The following GPC5 variants were observed in gnomAD, a reference collection of about 807,000 sequenced individuals.
GPC5 encodes the protein glypican-5.
Under a neutral mutation model 53.9 loss-of-function variants are expected in GPC5, and 47 were observed. The ratio of observed to expected loss-of-function variants is 0.87; its 90% CI spans 0.69 to 1.11. GPC5 has a LOEUF of 1.11. Ranked by LOEUF, GPC5 falls within the 50% of genes most tolerant of loss-of-function variation. GPC5 has a pLI of 0.00. For missense variants in GPC5, 748 were observed against 713.1 expected, an observed-to-expected ratio of 1.05 and a Z score of -0.56; for synonymous variants, 286 against 263.3, an observed-to-expected ratio of 1.09 and a Z score of -0.84.
intron 7 of GPC5, among the ~76,000 whole-genome samples, chr13:92,356,251 G>A (rs148226423): frequency 6.6e-6 from 1 of 152,134 alleles, no homozygotes; most frequent in Non-Finnish European, 1.5e-5. Context: ...CAGGGTGGCG[G>A]GAGAGGAATG....
chr13:92,405,738 C>G (rs953901911), intron 7 of GPC5, among the ~76,000 whole-genome samples: 24 of 152,088 alleles, frequency 1.6e-4, no homozygotes, highest in African/African-American at 5.3e-4. Context: ...TCTCTAGACT[C>G]TCATCTCTTT....
At chr13:91,894,384 A>G (rs2039419594) in intron 5 of GPC5, among the ~76,000 whole-genome samples, 1 of 152,222 alleles carries the variant, frequency 6.6e-6, no homozygotes, top group Admixed American at 6.6e-5. Flanking sequence ...AAGGTTCTAC[A>G]TGTTAAGTGT....
intron 6 of GPC5, among the ~76,000 whole-genome samples, chr13:92,028,623 T>C (rs1438756126): frequency 1.3e-5 from 2 of 152,328 alleles, no homozygotes; most frequent in Non-Finnish European, 2.9e-5. Context: ...GTTTACTTCA[T>C]ATTTTATGTT....
At chr13:91,651,757 A>G (rs548913859) in intron 2 of GPC5, among the ~76,000 whole-genome samples, 11 of 152,126 alleles carry the variant, frequency 7.2e-5, no homozygotes, top group South Asian at 4.1e-4. Context: ...TAAATGTTCT[A>G]TATTAATTAA....
rs533956972 is a variant in GPC5, at chr13:92,377,143, A to T, written c.1561+232154A>T. ...CATGAAGTCTTTCTAAAGGCCTCCAAAGGGAATGAATCACTCAATGCTACC... is the reference window on the plus strand; with the variant it reads ...CATGAAGTCTTTCTAAAGGCCTCCATAGGGAATGAATCACTCAATGCTACC... On this transcript the variant is annotated intron_variant, in intron 7 of 7. Coordinates refer to ENST00000377067, the MANE Select transcript of GPC5 (RefSeq NM_004466.6). 5.3e-5 allele frequency among the ~76,000 whole-genome samples: 8 copies of T among 152,318 alleles called. No individual in the cohort carries two copies. In the South Asian group the frequency reaches 1.7e-3, roughly 32 times the overall value.
intron 7 of GPC5, among the ~76,000 whole-genome samples, chr13:92,565,839 T>A (rs1237730667): frequency 1.3e-5 from 2 of 152,024 alleles, no homozygotes; most frequent in South Asian, 2.1e-4. Context: ...TTCTTTCAAG[T>A]TTTTTTAAAA....
chr13:91,705,207 T>C (rs2036073466), intron 3 of GPC5, among the ~76,000 whole-genome samples: 2 of 152,208 alleles, frequency 1.3e-5, no homozygotes, highest in Non-Finnish European at 2.9e-5. Flanking sequence ...CACTCACATT[T>C]TTCCCCTTCT....
chr13:91,600,487 A>T (rs2033147013), intron 2 of GPC5, among the ~76,000 whole-genome samples: 1 of 152,182 alleles, frequency 6.6e-6, no homozygotes. Context: ...ATCTAAAAAA[A>T]AAATGTACAT....
intron 4 of GPC5, among the ~76,000 whole-genome samples, chr13:91,748,788 C>T (rs2037106415): frequency 6.6e-6 from 1 of 152,096 alleles, no homozygotes; most frequent in South Asian, 2.1e-4. Flanking sequence ...TAAGCAGGAT[C>T]TTGAAGGATG....
intron 7 of GPC5, among the ~76,000 whole-genome samples, chr13:92,200,517 G>C (rs1055557341): frequency 2.0e-5 from 3 of 152,180 alleles, no homozygotes; most frequent in Admixed American, 6.5e-5. Flanking sequence ...AGAGGAACTA[G>C]AAAATTATAA....
intron 7 of GPC5, among the ~76,000 whole-genome samples, chr13:92,774,561 A>G (rs1875731430): frequency 6.6e-6 from 1 of 152,160 alleles, no homozygotes; most frequent in African/African-American, 2.4e-5. Context: ...CCCTAGCTCT[A>G]CCATAATGAA....
At chr13:92,320,154 C>T (rs545441915) in intron 7 of GPC5, among the ~76,000 whole-genome samples, 3 of 152,200 alleles carry the variant, frequency 2.0e-5, no homozygotes, top group South Asian at 2.1e-4. Context: ...AAAGTACTGT[C>T]ATTTTCTTTT....
At chr13:91,592,085 G>T (rs1475142655) in intron 2 of GPC5, among the ~76,000 whole-genome samples, 1 of 152,184 alleles carries the variant, frequency 6.6e-6, no homozygotes, top group Non-Finnish European at 1.5e-5. Context: ...TAATTTGGGT[G>T]TAAGTTGATC....
At chr13:92,407,805 G>T (rs1463517375) in intron 7 of GPC5, among the ~76,000 whole-genome samples, 1 of 152,060 alleles carries the variant, frequency 6.6e-6, no homozygotes, top group Non-Finnish European at 1.5e-5. Flanking sequence ...TGATTAGTCT[G>T]ATTTTATTAT....
intron 2 of GPC5, among the ~76,000 whole-genome samples, chr13:91,540,454 A>G (rs2029876349): frequency 6.6e-6 from 1 of 152,216 alleles, no homozygotes; most frequent in Non-Finnish European, 1.5e-5. Flanking sequence ...GAATAGGCCC[A>G]GTGGGGCTGG....
intron 6 of GPC5, among the ~76,000 whole-genome samples, chr13:92,082,793 G>T (rs1425876654): frequency 4.6e-5 from 7 of 152,052 alleles, no homozygotes; most frequent in Non-Finnish European, 7.4e-5. Flanking sequence ...ATACTACCAG[G>T]TTATTTTACA....
chr13:92,578,469 T>TTA lies in GPC5; in HGVS notation c.1562-287811_1562-287810dup, dbSNP rs1289334843. ...ACCTTATGGAAATTGGCTCACCTAATTATGGAGACTGAGAAGTCGTGTGAT... is the reference window on the plus strand; with the variant it reads ...ACCTTATGGAAATTGGCTCACCTAATTATATGGAGACTGAGAAGTCGTGTGAT... On this transcript the variant is annotated intron_variant, in intron 7 of 7. Transcript: ENST00000377067. Among the ~76,000 whole-genome samples, 7 of 152,008 alleles carry TTA rather than the reference T, an allele frequency of 4.6e-5. No homozygotes were observed. In the East Asian group the frequency reaches 1.4e-3, roughly 29 times the overall value.
At chr13:91,775,990 A>C (rs566999311) in intron 5 of GPC5, among the ~76,000 whole-genome samples, 3 of 152,314 alleles carry the variant, frequency 2.0e-5, no homozygotes, top group Non-Finnish European at 4.4e-5. Flanking sequence ...TGCCACTAAA[A>C]TTTCTTTCCC....
chr13:92,676,758 C>A (rs982305032), intron 7 of GPC5, among the ~76,000 whole-genome samples: 2 of 152,098 alleles, frequency 1.3e-5, no homozygotes, highest in African/African-American at 4.8e-5. Context: ...TCTATGAAAA[C>A]TATTTACTAA....
Sources: gnomAD v4.1 joint callset for allele counts (sites outside exome capture counted in the v4.1 genomes callset) on GRCh38, gnomAD v4.1.1 for gene constraint, MANE v1.5 for transcripts, NCBI Gene and HGNC (gene_info 2026-07-23, HGNC 2026-07-21) for gene names.